The following ACOX1 variants were observed in gnomAD, a reference collection of about 807,000 sequenced individuals.
ACOX1 encodes peroxisomal acyl-coenzyme A oxidase 1.
In ACOX1, 41 loss-of-function variants were observed where a neutral mutation model predicts 75.5. The ratio of observed to expected loss-of-function variants is 0.54; its 90% confidence interval spans 0.42 to 0.70. The LOEUF (loss-of-function observed/expected upper bound fraction) is 0.70. Ranked by LOEUF, ACOX1 falls within the 30% of genes least tolerant of loss-of-function variation. ACOX1 has a pLI of 0.00. For synonymous variants in ACOX1, 303 were observed against 298.8 expected, an observed-to-expected ratio of 1.01 and a Z score of -0.15; for missense variants, 630 against 837.5, an observed-to-expected ratio of 0.75 and a Z score of 3.06.
intron 2 of ACOX1, among the ~76,000 whole-genome samples, chr17:75,968,846 C>T (rs1385207326): frequency 6.7e-6 from 1 of 150,154 alleles, no homozygotes; most frequent in East Asian, 2.0e-4. Flanking sequence ...CGCTTGAATG[C>T]GGGAGGCGGA....
intron 7 of ACOX1, among the ~76,000 whole-genome samples, chr17:75,952,554 A>C (rs1011594650): frequency 6.6e-6 from 1 of 152,050 alleles, no homozygotes; most frequent in Non-Finnish European, 1.5e-5. Flanking sequence ...TTGGCCTCCC[A>C]AAGTGCTGAG....
intron 2 of ACOX1, among the ~76,000 whole-genome samples, chr17:75,975,370 TG>T (rs1426435570): frequency 6.6e-6 from 1 of 151,986 alleles, no homozygotes; most frequent in Non-Finnish European, 1.5e-5. Flanking sequence ...TTGGCCAGGC[TG>T]GTCATGAAGT....
intron 2 of ACOX1, among the ~76,000 whole-genome samples, chr17:75,961,861 C>T (rs987596133): frequency 1.3e-5 from 2 of 151,534 alleles, no homozygotes; most frequent in African/African-American, 2.4e-5. Context: ...GAGGCAGAAT[C>T]GCTTGAAGCC....
chr17:75,950,741 A>T lies in ACOX1; in HGVS notation c.1298+33T>A. 1 of 1,604,582 alleles carries T rather than the reference A, an allele frequency of 6.2e-7. No individual in the cohort carries two copies. The highest frequency in any genetic ancestry group is 8.5e-7 in the Non-Finnish European group (1 of 1,171,750). ...GAAAAGGACTAGAACATTCTTATGA[A>T]CAGATGGGAGGAATCGAGGATTTGA... On this transcript the variant is annotated intron_variant, in intron 9 of 13. Transcript: ENST00000293217. The surrounding 1 kb of genome is among the most constrained non-coding windows in gnomAD (Gnocchi z 4.3).
At chr17:75,977,510 G>A (rs2066063799) in intron 2 of ACOX1, among the ~76,000 whole-genome samples, 2 of 152,100 alleles carry the variant, frequency 1.3e-5, no homozygotes, top group Non-Finnish European at 2.9e-5. Flanking sequence ...AGGCTGGAGT[G>A]AGCCGAGATC....
chr17:75,951,304 A>G, intron 8 of ACOX1, 111 bp downstream of exon 8: 2 of 1,354,930 alleles, frequency 1.5e-6, no homozygotes, highest in Non-Finnish European at 2.1e-6. Context: ...AAGTTCTCAG[A>G]ATACATACTT....
At chr17:75,951,998 C>G (rs910760288) in intron 7 of ACOX1, among the ~76,000 whole-genome samples, 21 of 151,854 alleles carry the variant, frequency 1.4e-4, no homozygotes, top group East Asian at 3.9e-4. Flanking sequence ...TCCCTAAGAC[C>G]ATGCTGTAAT....
rs572633541 is a variant in ACOX1 at position 75,978,681 on chromosome 17, A to G, written c.122T>C (p.Leu41Pro). 1.9e-5 allele frequency: 30 copies of G among 1,614,100 alleles called. No homozygotes were observed. The East Asian group carries it at 6.5e-4, about 35-fold the overall frequency. The change falls in exon 2 of 14, where the codon CTG (leucine) becomes CCG (proline). Residue 41 changes from leucine (L) to proline (P), a missense_variant. Physicochemically the swap from Leu to Pro is moderately conservative, Grantham distance 98 (BLOSUM62 -3). This residue lies in a region of ACOX1 where 390 missense variants were observed against 574.9 expected (regional missense o/e 0.68). Transcript: ENST00000293217. This position sits in a 1 kb window ranked among gnomAD's most constrained non-coding sequence, Gnocchi z 4.2. ...CTCATGCTGGAAGTCTGGGTCGTTC[A>G]GGATCATGTTCTCTGAAAGGGGGTT... is the stretch of plus-strand genomic sequence containing the variant. ...RRRREIENMI[L>P]NDPDFQHEDL...
chr17:75,956,967 CTCTCTATATATATATATATATATA>C (rs1567878023), intron 4 of ACOX1, among the ~76,000 whole-genome samples: 98 of 11,052 alleles, frequency 8.9e-3, no homozygotes, highest in South Asian at 0.016. Flanking sequence ...CTCTCTCTCT[CTCTCTATATATATATATATATATA>C]TATATATATA....
intron 2 of ACOX1, among the ~76,000 whole-genome samples, chr17:75,964,753 T>C (rs2065915067): frequency 6.6e-6 from 1 of 152,190 alleles, no homozygotes; most frequent in African/African-American, 2.4e-5. Flanking sequence ...TTTTAAATAA[T>C]TTATCGTAAA....
rs11293371 is a variant in ACOX1, at chr17:75,965,337, C to CAAAA, written c.270-4966_270-4963dup. Among the ~76,000 whole-genome samples the CAAAA allele has an allele frequency of 2.0e-4, 16 of 81,690 alleles. No homozygotes were observed. The East Asian group carries it at 2.1e-3, about 11-fold the overall frequency. The allele number at this position is 81,690 out of a possible 152,430, so 53.6% of individuals were successfully genotyped here. A position where few individuals can be genotyped will look rare whatever the true frequency, so the allele number is the denominator to read the frequency against. ...TGGGCGACAGAGCGAGACTCTGTCT[C>CAAAA]AAAAAAAAAAAAAAAAAACCCAGAA... On this transcript the variant is annotated intron_variant, in intron 2 of 13. Transcript: ENST00000293217.
At chr17:75,954,953 C>T (rs558366102) in intron 6 of ACOX1, among the ~76,000 whole-genome samples, 6 of 148,090 alleles carry the variant, frequency 4.1e-5, no homozygotes, top group African/African-American at 1.5e-4. Flanking sequence ...CTGCAACCTC[C>T]GCCTCCCGGG....
In ACOX1 at chr17:75,946,665, A is replaced by C; in HGVS notation, c.*83T>G. On this transcript the variant is annotated 3_prime_UTR_variant, in exon 14 of 14. Transcript: ENST00000293217. ...TCAATTTATCATTTGCTCTATAGCTATTTGAATTCGAAAAAGATTCCACAA... is the reference window on the plus strand; with the variant it reads ...TCAATTTATCATTTGCTCTATAGCTCTTTGAATTCGAAAAAGATTCCACAA... 8.4e-7 allele frequency: 1 copy of C among 1,186,638 alleles called. No individual in the cohort carries two copies. The highest frequency in any genetic ancestry group is 1.3e-6 in the Non-Finnish European group (1 of 798,200). 73.5% of individuals were successfully genotyped at this position (1,186,638 alleles called of 1,614,324 possible).
chr17:75,971,913 T>A (rs2065998829), intron 2 of ACOX1, among the ~76,000 whole-genome samples: 1 of 152,162 alleles, frequency 6.6e-6, no homozygotes, highest in South Asian at 2.1e-4. Flanking sequence ...GTCGAATAAA[T>A]TCTATAATGA....
intron 2 of ACOX1, among the ~76,000 whole-genome samples, chr17:75,969,109 T>C (rs1218728221): frequency 6.6e-6 from 1 of 152,146 alleles, no homozygotes; most frequent in Non-Finnish European, 1.5e-5. Context: ...TAGTAATTCA[T>C]TTCTGAGAGG....
At chr17:75,956,377 A>C (rs571922185) in intron 4 of ACOX1, among the ~76,000 whole-genome samples, 1 of 152,232 alleles carries the variant, frequency 6.6e-6, no homozygotes, top group Admixed American at 6.5e-5. Context: ...AATAACTCAG[A>C]ATGGAATAAG....
At chr17:75,961,466 A>C (rs1175756173) in intron 2 of ACOX1, among the ~76,000 whole-genome samples, 1 of 42,672 alleles carries the variant, frequency 2.3e-5, no homozygotes, top group Non-Finnish European at 4.3e-5. Flanking sequence ...CTAAAAATAC[A>C]AAAAAAAAAA....
intron 10 of ACOX1, 40 bp from the exon 11 acceptor site, chr17:75,949,640 C>T (rs201115257): frequency 1.3e-5 from 21 of 1,612,978 alleles, no homozygotes; most frequent in African/African-American, 4.0e-5. Flanking sequence ...AAATGATCAA[C>T]AGTACTCATG....
chr17:75,955,993 C>G (rs748223985), intron 4 of ACOX1, 46 bp from the exon 5 acceptor site: 1 of 1,612,890 alleles, frequency 6.2e-7, no homozygotes, highest in Non-Finnish European at 8.5e-7. Flanking sequence ...AACGTTCATA[C>G]ATTTTTAAAG....
Sources: gnomAD v4.1 joint callset for allele counts (sites outside exome capture counted in the v4.1 genomes callset) on GRCh38, gnomAD v4.1.1 for gene constraint, gnomAD v4.1.1 regional missense constraint, Gnocchi (gnomAD v3.1) non-coding constraint, MANE v1.5 for transcripts, NCBI Gene and HGNC (gene_info 2026-07-23, HGNC 2026-07-21) for gene names.